VPS13B: variants seen among roughly 807,000 people sequenced by gnomAD.
The protein encoded by VPS13B is intermembrane lipid transfer protein VPS13B.
In VPS13B, 285 loss-of-function variants were observed where a neutral mutation model predicts 426.4. That is an observed-to-expected ratio of 0.67 (90% CI 0.61 to 0.74). The LOEUF (loss-of-function observed/expected upper bound fraction) is 0.74, where lower values mean the gene tolerates loss of function less well. Ranked by LOEUF, VPS13B falls within the 30% of genes least tolerant of loss-of-function variation. The pLI is 0.00. For synonymous variants in VPS13B, 1,676 were observed against 1,676.4 expected, an observed-to-expected ratio of 1.00 and a Z score of 0.01; for missense variants, 4,537 against 4,782.6, an observed-to-expected ratio of 0.95 and a Z score of 1.51.
chr8:99,827,053 A>T (rs1588754144), intron 51 of VPS13B, among the ~76,000 whole-genome samples: 1 of 152,172 alleles, frequency 6.6e-6, no homozygotes, highest in Non-Finnish European at 1.5e-5. Context: ...TGTCTCTGCC[A>T]GGTTTTGGTA....
intron 24 of VPS13B, among the ~76,000 whole-genome samples, chr8:99,479,341 A>G (rs1308161294): frequency 6.6e-6 from 1 of 152,200 alleles, no homozygotes; most frequent in Non-Finnish European, 1.5e-5. Context: ...AATGTTACAT[A>G]TTTATATTCA....
intron 2 of VPS13B, among the ~76,000 whole-genome samples, chr8:99,037,165 G>T (rs1228952041): frequency 6.6e-6 from 1 of 152,016 alleles, no homozygotes; most frequent in Non-Finnish European, 1.5e-5. Flanking sequence ...AATGCTTGAA[G>T]AAATTAATGC....
At chr8:99,378,451 T>C (rs1222148953) in intron 19 of VPS13B, among the ~76,000 whole-genome samples, 1 of 152,118 alleles carries the variant, frequency 6.6e-6, no homozygotes, top group African/African-American at 2.4e-5. Flanking sequence ...GATGATGGGA[T>C]TAAGAGATTA....
At chr8:99,019,967 C>T (rs910117168) in intron 2 of VPS13B, among the ~76,000 whole-genome samples, 4 of 152,196 alleles carry the variant, frequency 2.6e-5, no homozygotes, top group East Asian at 1.9e-4. Flanking sequence ...TGAGACTGTG[C>T]TTTTAATTTA....
intron 25 of VPS13B, among the ~76,000 whole-genome samples, chr8:99,484,832 G>A (rs984520025): frequency 6.7e-6 from 1 of 148,284 alleles, no homozygotes; most frequent in Non-Finnish European, 1.5e-5. Context: ...GTGACAGAGT[G>A]AGACTGTGTC....
chr8:99,372,746 G>A (rs1264809918), intron 19 of VPS13B, among the ~76,000 whole-genome samples: 3 of 152,218 alleles, frequency 2.0e-5, no homozygotes, highest in Non-Finnish European at 4.4e-5. Flanking sequence ...CATCATGGAC[G>A]ACAGTGTGGC....
intron 19 of VPS13B, among the ~76,000 whole-genome samples, chr8:99,361,153 T>G (rs1812535959): frequency 6.6e-6 from 1 of 152,188 alleles, no homozygotes; most frequent in African/African-American, 2.4e-5. Flanking sequence ...ACTGGATAAA[T>G]AATGGCTGTT....
intron 15 of VPS13B, among the ~76,000 whole-genome samples, chr8:99,166,263 G>T (rs1811996833): frequency 6.6e-6 from 1 of 152,160 alleles, no homozygotes; most frequent in Non-Finnish European, 1.5e-5. Flanking sequence ...GGGATTATAG[G>T]CATGAGCCAC....
At chr8:99,060,577 C>T (rs1205040890) in intron 3 of VPS13B, among the ~76,000 whole-genome samples, 1 of 151,466 alleles carries the variant, frequency 6.6e-6, no homozygotes, top group East Asian at 1.9e-4. Flanking sequence ...CTACTGCACT[C>T]CAGCTTGGGT....
chr8:99,234,588 G>GAGA (rs1194246915), intron 17 of VPS13B: 1 of 408,522 alleles, frequency 2.4e-6, no homozygotes, highest in African/African-American at 2.1e-5. Context: ...TTGTGCTGGC[G>GAGA]AGAGTTGGGT....
intron 19 of VPS13B, among the ~76,000 whole-genome samples, chr8:99,373,220 T>C (rs1192772425): frequency 1.3e-5 from 2 of 151,916 alleles, no homozygotes; most frequent in African/African-American, 2.4e-5. Context: ...CATGTAGGGC[T>C]TAAGATCTAC....
At chr8:99,712,642 C>T (rs1832750132) in intron 36 of VPS13B, among the ~76,000 whole-genome samples, 1 of 151,766 alleles carries the variant, frequency 6.6e-6, no homozygotes, top group Non-Finnish European at 1.5e-5. Flanking sequence ...TCCAGCCTCC[C>T]AAATGTTTGT....
intron 12 of VPS13B, among the ~76,000 whole-genome samples, chr8:99,139,898 CTTTT>C (rs984473743): frequency 6.7e-6 from 1 of 149,230 alleles, no homozygotes; most frequent in African/African-American, 2.5e-5. Context: ...TTTGTGACAA[CTTTT>C]TTTTTGTTTC....
Position 99,859,296 on chromosome 8 carries a change from C to T in VPS13B, c.10868-8C>T, listed in dbSNP as rs770620321. 2.3e-5 allele frequency: 37 copies of T among 1,613,130 alleles called. No homozygotes were observed. Among genetic ancestry groups the T allele is most frequent in the South Asian group, 6.6e-5 (6 of 91,026 alleles). ...TTTCAATCACCCCTTCCCTCTTGTG[C>T]GTTGCAGGCTGGGTAGTTGGGTCTC... On this transcript the variant is annotated splice_region_variant and splice_polypyrimidine_tract_variant and intron_variant, in intron 56 of 61. Coordinates refer to ENST00000357162, the MANE Select transcript of VPS13B (RefSeq NM_152564.5).
At chr8:99,117,030 G>A (rs1346939148) in intron 7 of VPS13B, among the ~76,000 whole-genome samples, 1 of 131,370 alleles carries the variant, frequency 7.6e-6, no homozygotes, top group Non-Finnish European at 1.6e-5. Context: ...TATCATGAAT[G>A]ATCTGATGTA....
At chr8:99,023,469 C>T (rs1438059634) in intron 2 of VPS13B, among the ~76,000 whole-genome samples, 2 of 150,964 alleles carry the variant, frequency 1.3e-5, no homozygotes, top group Non-Finnish European at 3.0e-5. Flanking sequence ...ACCACATTTT[C>T]TTTTCTTTCT....
chr8:99,607,857 T>C (rs1182196512), intron 33 of VPS13B, among the ~76,000 whole-genome samples: 1 of 152,062 alleles, frequency 6.6e-6, no homozygotes, highest in African/African-American at 2.4e-5. Context: ...TAAATAACAG[T>C]CATATTTCCA....
At chr8:99,411,395 T>G (rs1288030529) in intron 21 of VPS13B, among the ~76,000 whole-genome samples, 1 of 152,212 alleles carries the variant, frequency 6.6e-6, no homozygotes. Flanking sequence ...CTTTGCCCAC[T>G]TTTTGATGGG....
At chr8:99,351,518 T>C (rs959141073) in intron 19 of VPS13B, among the ~76,000 whole-genome samples, 2 of 151,922 alleles carry the variant, frequency 1.3e-5, no homozygotes, top group Non-Finnish European at 2.9e-5. Flanking sequence ...GTGTTCACCT[T>C]TCTTTCTGGA....
Sources: gnomAD v4.1 joint callset for allele counts (sites outside exome capture counted in the v4.1 genomes callset) on GRCh38, gnomAD v4.1.1 for gene constraint, MANE v1.5 for transcripts, NCBI Gene and HGNC (gene_info 2026-07-23, HGNC 2026-07-21) for gene names.